The following SETX variants were observed in gnomAD, a reference collection of about 807,000 sequenced individuals.
The protein encoded by SETX is senataxin.
SETX carries 90 observed loss-of-function variants against 227.2 expected under a neutral mutation model. The ratio of observed to expected loss-of-function variants is 0.40; its 90% CI spans 0.33 to 0.47. The LOEUF (loss-of-function observed/expected upper bound fraction) is 0.47. Ranked by LOEUF, SETX falls within the 20% of genes least tolerant of loss-of-function variation. SETX has a pLI of 0.91. For synonymous variants in SETX, 1,210 were observed against 1,113.2 expected (o/e 1.09, Z -1.73); for missense variants, 3,052 against 3,181.5 (o/e 0.96, Z 0.98).
intron 19 of SETX, 147 bp downstream of exon 19, chr9:132,283,117 T>C (rs1039293704): frequency 6.0e-6 from 6 of 998,340 alleles, no homozygotes; most frequent in Non-Finnish European, 9.1e-6. Flanking sequence ...AGTATATTTC[T>C]ACATAAGGGA....
chr9:132,273,970 CTT>C (rs61487697), intron 23 of SETX, among the ~76,000 whole-genome samples: 5 of 145,948 alleles, frequency 3.4e-5, no homozygotes, highest in Non-Finnish European at 1.5e-5. Flanking sequence ...CCTTTGTATT[CTT>C]TTTTTTTTTT....
chr9:132,338,026 T>C (rs1847740752), intron 5 of SETX, among the ~76,000 whole-genome samples: 2 of 151,286 alleles, frequency 1.3e-5, no homozygotes, highest in African/African-American at 4.9e-5. Context: ...GTACTCCAGC[T>C]GGGAATGTGT....
rs202200187 is a variant in SETX at position 132,281,590 on chromosome 9, A to C, written c.6547-16T>G. On this transcript the variant is annotated splice_polypyrimidine_tract_variant and intron_variant, in intron 19 of 25. Transcript: ENST00000224140. ...ACTGTCCAGCCTTGGTAAGATACAG[A>C]AGAGAGAGGCAGTCTTAACAATCTT... 3 of 1,535,016 alleles carry C rather than the reference A, an allele frequency of 2.0e-6. No individual in the cohort carries two copies. The highest frequency in any genetic ancestry group is 2.7e-5 in the African/African-American group (2 of 73,374).
chr9:132,306,403 G>A (rs1193232722), intron 11 of SETX, among the ~76,000 whole-genome samples: 1 of 152,150 alleles, frequency 6.6e-6, no homozygotes, highest in Non-Finnish European at 1.5e-5. Flanking sequence ...GTAGAGACGA[G>A]GTTTCACCAT....
At position 132,346,280 on chromosome 9, in the gene SETX, C is replaced by T; in HGVS notation, c.369G>A (p.Leu123=). 2 of 1,613,596 alleles carry T rather than the reference C, an allele frequency of 1.2e-6. No individual in the cohort carries two copies. The highest frequency in any genetic ancestry group is 2.2e-5 in the South Asian group (2 of 91,064). ...ACTCACTAACACGTTCATGTAGAAGCAAGTAAGGATATTTCAGTATTTCAA... is the reference window on the plus strand; with the variant it reads ...ACTCACTAACACGTTCATGTAGAAGTAAGTAAGGATATTTCAGTATTTCAA... The part of the protein sequence containing the change: ...PLLEILKYPY[L]LLHERVNELC... The change falls in exon 4 of 26, where the codon TTG becomes TTA. Residue 123 remains leucine, a synonymous_variant. Transcript: ENST00000224140.
chr9:132,339,300 C>G (rs1160315581), intron 5 of SETX, among the ~76,000 whole-genome samples: 1 of 152,036 alleles, frequency 6.6e-6, no homozygotes, highest in East Asian at 1.9e-4. Flanking sequence ...CTGGGCAACA[C>G]AGTGAAACCC....
intron 12 of SETX, among the ~76,000 whole-genome samples, chr9:132,300,260 G>A (rs553448980): frequency 2.0e-5 from 3 of 151,950 alleles, no homozygotes; most frequent in South Asian, 2.1e-4. Context: ...AGTGATGTAA[G>A]CAGATTCCTC....
rs12000993 is a variant in SETX, at chr9:132,305,409, T to A, written c.5375-4606A>T. On this transcript the variant is annotated intron_variant, in intron 11 of 25. Transcript: ENST00000224140. ...AAAACCTCAAAAATGAAAAAAAATTTAAAAAAAATTTTTTTTTAAAAAGGA... is the reference window on the plus strand; with the variant it reads ...AAAACCTCAAAAATGAAAAAAAATTAAAAAAAAATTTTTTTTTAAAAAGGA... Among the ~76,000 whole-genome samples, 1,071 of 150,098 alleles carry A rather than the reference T, an allele frequency of 7.1e-3. 16 individuals carry two copies. Among genetic ancestry groups the A allele is most frequent in the African/African-American group, 0.024 (972 of 40,866 alleles).
At chr9:132,268,328 TG>T (rs1165133504) in intron 25 of SETX, among the ~76,000 whole-genome samples, 1 of 152,134 alleles carries the variant, frequency 6.6e-6, no homozygotes, top group Non-Finnish European at 1.5e-5. Context: ...CTGGACAACA[TG>T]GTAAGACCCT....
At chr9:132,292,189 T>C (rs1844360742) in intron 15 of SETX, among the ~76,000 whole-genome samples, 2 of 152,066 alleles carry the variant, frequency 1.3e-5, no homozygotes, top group Admixed American at 6.6e-5. Flanking sequence ...ATGCCTGTAA[T>C]CCCAGCACCT....
In SETX at chr9:132,328,519, T is replaced by G. The variant is rs1384650317; in HGVS notation, c.3079A>C (p.Ile1027Leu). ...SDSDDDDDER[I>L]LSLEKLTKQD... ...TTAGTGAGTTTCTCAAGACTCAGGA[T>G]TCTTTCATCATCATCATCATCAGAA... Residue 1027 changes from isoleucine to leucine, a missense_variant, in exon 10 of 26, where the codon ATC (isoleucine) becomes CTC (leucine). Physicochemically the swap from Ile to Leu is conservative, Grantham distance 5. Coordinates refer to ENST00000224140, the MANE Select transcript of SETX (RefSeq NM_015046.7). 6.2e-7 allele frequency: 1 copy of G among 1,614,032 alleles called. No individual in the cohort carries two copies. Among genetic ancestry groups the G allele is most frequent in the Non-Finnish European group, 8.5e-7 (1 of 1,180,016 alleles).
At chr9:132,270,961 AT>A (rs1324759431) in intron 24 of SETX, among the ~76,000 whole-genome samples, 1 of 152,216 alleles carries the variant, frequency 6.6e-6, no homozygotes, top group African/African-American at 2.4e-5. Context: ...TTTAATTACT[AT>A]TTTATTTGAA....
At chr9:132,339,293 G>T (rs932994049) in intron 5 of SETX, among the ~76,000 whole-genome samples, 2 of 152,138 alleles carry the variant, frequency 1.3e-5, no homozygotes, top group South Asian at 2.1e-4. Context: ...ACCCAGCCTG[G>T]GCAACACAGT....
At chr9:132,284,553 T>C (rs1188161769) in intron 18 of SETX, among the ~76,000 whole-genome samples, 1 of 152,228 alleles carries the variant, frequency 6.6e-6, no homozygotes, top group African/African-American at 2.4e-5. Flanking sequence ...AATCAGGGTA[T>C]ACACCTGGCT....
intron 10 of SETX, among the ~76,000 whole-genome samples, chr9:132,323,235 T>C (rs1261937715): frequency 1.3e-5 from 2 of 152,068 alleles, no homozygotes; most frequent in East Asian, 3.8e-4. Context: ...ACAGAACAAA[T>C]TTATAGATTA....
chr9:132,264,060 T>C lies in SETX; in HGVS notation c.*179A>G. The C allele has an allele frequency of 1.2e-6, 1 of 801,472 alleles. No individual in the cohort carries two copies. The highest frequency in any genetic ancestry group is 2.0e-6 in the Non-Finnish European group (1 of 507,424). 49.6% of individuals were successfully genotyped at this position (801,472 alleles called of 1,614,324 possible). On this transcript the variant is annotated 3_prime_UTR_variant, in exon 26 of 26. Coordinates refer to ENST00000224140, the MANE Select transcript of SETX (RefSeq NM_015046.7). ...ATACACAATGCCCTCTGAAAGCTTT[T>C]GCAAATGACAGAAAATACTGAAGAT...
In SETX at chr9:132,327,109, A is replaced by G. The variant is rs1846845143; in HGVS notation, c.4489T>C (p.Phe1497Leu). 6 of 1,614,216 alleles carry G rather than the reference A, an allele frequency of 3.7e-6. No individual in the cohort carries two copies. Among genetic ancestry groups the G allele is most frequent in the Non-Finnish European group, 4.2e-6 (5 of 1,180,042 alleles). The change falls in exon 10 of 26, where the codon TTT (phenylalanine) becomes CTT (leucine). Residue 1497 changes from phenylalanine to leucine, a missense_variant. Physicochemically the swap from Phe to Leu is conservative, Grantham distance 22. Around this residue, in one of 10 missense-constraint regions of SETX, gnomAD observed 1,483 missense variants for 1,312.0 expected, o/e 1.13. Transcript: ENST00000224140. ...TCTTCAGGATCATTTTGGGTTAAAA[A>G]TAAGTTATCTTCCTCTGCATCACTG... is the stretch of plus-strand genomic sequence containing the variant. ...SSSDAEEDNL[F>L]LTQNDPEDMD...
Position 132,271,720 on chromosome 9 carries a change from C to T in SETX, c.7189G>A (p.Gly2397Ser). 6.2e-7 allele frequency: 1 copy of T among 1,611,414 alleles called. No homozygotes were observed. The highest frequency in any genetic ancestry group is 8.5e-7 in the Non-Finnish European group (1 of 1,179,588). Residue 2397 changes from glycine (G) to serine (S), a missense_variant, in exon 24 of 26, where the codon GGT (glycine) becomes AGT (serine). By Grantham distance (56) the Gly-to-Ser change is moderately conservative. Coordinates refer to ENST00000224140, the MANE Select transcript of SETX (RefSeq NM_015046.7). ...VTCVRANSIQ[G>S]SIGFLASLQR... ...ATGACAGTAACTCACCCAATTGAAC[C>T]TTGGATGCTATTTGCTCTGACACAC...
chr9:132,285,311 T>TAAA (rs1564488302), intron 18 of SETX, among the ~76,000 whole-genome samples: 1 of 152,228 alleles, frequency 6.6e-6, no homozygotes, highest in Admixed American at 6.5e-5. Context: ...AAAGATAACT[T>TAAA]ATAACCACCT....
Sources: allele counts gnomAD v4.1 joint callset (sites outside exome capture counted in the v4.1 genomes callset), GRCh38; gene constraint gnomAD v4.1.1; regional missense constraint gnomAD v4.1.1; transcripts MANE v1.5; gene names NCBI Gene and HGNC (gene_info 2026-07-23, HGNC 2026-07-21).